Variants in RANBP17 observed in about 807,000 individuals in gnomAD.
RANBP17 encodes RAN binding protein 17, also known as ran-binding protein 17.
RANBP17 carries 158 observed loss-of-function variants against 141.2 expected under a neutral mutation model. The observed-to-expected ratio is 1.12, with a 90% CI of 0.98 to 1.28. The LOEUF is 1.28. RANBP17 is among the 50% of genes most tolerant of loss of function. The probability of loss-of-function intolerance (pLI) is 0.00; values close to 1 mark genes in which losing one functional copy is unlikely to be tolerated. For missense variants in RANBP17, 1,438 were observed against 1,290.7 expected (o/e 1.11, Z -1.75); for synonymous variants, 430 against 450.0 (o/e 0.96, Z 0.56).
intron 14 of RANBP17, among the ~76,000 whole-genome samples, chr5:171,030,027 C>T (rs570605614): frequency 1.3e-5 from 2 of 152,042 alleles, no homozygotes; most frequent in South Asian, 4.2e-4. Flanking sequence ...ATTTATTTCT[C>T]CTATTGGCTA....
intron 24 of RANBP17, among the ~76,000 whole-genome samples, chr5:171,263,035 G>A (rs953504929): frequency 1.3e-5 from 2 of 152,134 alleles, no homozygotes; most frequent in Admixed American, 6.5e-5. Flanking sequence ...TCAATGCTGG[G>A]TTTTACTACT....
intron 14 of RANBP17, among the ~76,000 whole-genome samples, chr5:171,038,971 C>A (rs1338748498): frequency 6.6e-6 from 1 of 152,018 alleles, no homozygotes; most frequent in Non-Finnish European, 1.5e-5. Flanking sequence ...TTTATCCATT[C>A]CACCATTTAT....
At chr5:171,113,543 ATTAT>A (rs1755399272) in intron 14 of RANBP17, among the ~76,000 whole-genome samples, 1 of 152,190 alleles carries the variant, frequency 6.6e-6, no homozygotes, top group Admixed American at 6.5e-5. Context: ...CTTGAAATAA[ATTAT>A]TTAATTTATA....
intron 14 of RANBP17, among the ~76,000 whole-genome samples, chr5:171,033,405 T>C (rs945812577): frequency 6.6e-6 from 1 of 152,158 alleles, no homozygotes; most frequent in African/African-American, 2.4e-5. Flanking sequence ...AGAAAAAATA[T>C]ACTGCGTCCA....
At chr5:171,222,821 G>A (rs1026603955) in intron 22 of RANBP17, among the ~76,000 whole-genome samples, 2 of 152,052 alleles carry the variant, frequency 1.3e-5, no homozygotes, top group Admixed American at 6.5e-5. Flanking sequence ...TAGAGATGGG[G>A]TTTCACCTTG....
At chr5:171,105,798 A>G (rs921929647) in intron 14 of RANBP17, among the ~76,000 whole-genome samples, 1 of 152,202 alleles carries the variant, frequency 6.6e-6, no homozygotes, top group Non-Finnish European at 1.5e-5. Context: ...TTTTTTAGAC[A>G]TTAGTCTGAT....
chr5:171,295,834 T>C, intron 26 of RANBP17, 53 bp from the exon 27 acceptor site: 1 of 1,592,834 alleles, frequency 6.3e-7, no homozygotes, highest in South Asian at 1.1e-5. Flanking sequence ...CTGCCAGCTG[T>C]CTTCAGGCGG....
intron 22 of RANBP17, among the ~76,000 whole-genome samples, chr5:171,231,680 A>G (rs951509401): frequency 2.0e-5 from 3 of 152,220 alleles, no homozygotes; most frequent in Non-Finnish European, 4.4e-5. Context: ...TTTCAAAATA[A>G]ACTCTGTAAG....
chr5:171,218,826 C>G (rs1348100886), intron 21 of RANBP17, among the ~76,000 whole-genome samples: 1 of 151,842 alleles, frequency 6.6e-6, no homozygotes, highest in Non-Finnish European at 1.5e-5. Flanking sequence ...CTGAATACAG[C>G]ACACCGATGG....
intron 4 of RANBP17, 26 bp downstream of exon 4, chr5:170,892,579 G>C (rs778141018): frequency 4.4e-6 from 7 of 1,593,444 alleles, no homozygotes; most frequent in Non-Finnish European, 6.0e-6. Context: ...TACATGGTTA[G>C]AACATCACTA....
intron 14 of RANBP17, chr5:171,028,875 A>G (rs1264836465): frequency 1.6e-6 from 2 of 1,277,974 alleles, no homozygotes; most frequent in Middle Eastern, 2.1e-4. Flanking sequence ...TGCACAGAAG[A>G]CAGACATCTT....
chr5:171,279,980 C>G (rs1255127377), intron 25 of RANBP17, among the ~76,000 whole-genome samples: 1 of 152,170 alleles, frequency 6.6e-6, no homozygotes, highest in Non-Finnish European at 1.5e-5. Context: ...CTAAGAGAGA[C>G]AGCAGAGTAA....
intron 14 of RANBP17, among the ~76,000 whole-genome samples, chr5:171,068,677 C>T (rs1284687421): frequency 6.6e-6 from 1 of 152,050 alleles, no homozygotes; most frequent in Non-Finnish European, 1.5e-5. Flanking sequence ...ACTTCTGCCT[C>T]CCATATTCAA....
intron 14 of RANBP17, among the ~76,000 whole-genome samples, chr5:171,130,672 G>C (rs894916199): frequency 6.6e-6 from 1 of 151,810 alleles, no homozygotes; most frequent in African/African-American, 2.4e-5. Flanking sequence ...CCGACCTCAG[G>C]TGATCGGCCC....
At chr5:171,285,372 A>G (rs1227906637) in intron 25 of RANBP17, among the ~76,000 whole-genome samples, 4 of 152,236 alleles carry the variant, frequency 2.6e-5, no homozygotes, top group Non-Finnish European at 5.9e-5. Flanking sequence ...AGGAAGTACC[A>G]TGAACCAAAA....
At chr5:171,215,239 C>A (rs1159666448) in intron 21 of RANBP17, among the ~76,000 whole-genome samples, 1 of 152,052 alleles carries the variant, frequency 6.6e-6, no homozygotes, top group Non-Finnish European at 1.5e-5. Context: ...TGAACTCATT[C>A]TTTTTTTATG....
At chr5:171,058,411 G>A (rs1037194391) in intron 14 of RANBP17, among the ~76,000 whole-genome samples, 11 of 148,588 alleles carry the variant, frequency 7.4e-5, no homozygotes, top group East Asian at 4.0e-4. Flanking sequence ...AACATGCGGT[G>A]TTTGGTTTTT....
chr5:171,022,355 C>T (rs1780926253), intron 14 of RANBP17, among the ~76,000 whole-genome samples: 3 of 152,224 alleles, frequency 2.0e-5, no homozygotes. Context: ...GAAACCCGCT[C>T]ATCTGGGCTG....
chr5:171,183,626 G>A (rs1282712474), intron 18 of RANBP17, among the ~76,000 whole-genome samples, 196 bp downstream of exon 18: 4 of 152,170 alleles, frequency 2.6e-5, no homozygotes, highest in Non-Finnish European at 5.9e-5. Context: ...ACTTAAGGTG[G>A]CATTTTTCAC....
Sources: gnomAD v4.1 joint callset for allele counts (sites outside exome capture counted in the v4.1 genomes callset) on GRCh38, gnomAD v4.1.1 for gene constraint, MANE v1.5 for transcripts, NCBI Gene and HGNC (gene_info 2026-07-23, HGNC 2026-07-21) for gene names.